The following ZNF385B variants were observed in gnomAD, a reference collection of about 807,000 sequenced individuals.
The protein encoded by ZNF385B is zinc finger protein 385B.
A neutral mutation model predicts 39.2 loss-of-function variants in ZNF385B; 23 were observed. The ratio of observed to expected loss-of-function variants is 0.59; its 90% CI spans 0.42 to 0.83. ZNF385B has a LOEUF of 0.83. Among genes scored for constraint, ZNF385B ranks in the 40% least tolerant of loss-of-function variants. The pLI is 0.00. For synonymous variants in ZNF385B, 205 were observed against 222.6 expected (o/e 0.92, Z 0.70); for missense variants, 552 against 598.9 (o/e 0.92, Z 0.82).
At chr2:179,512,661 A>T (rs1364940156) in intron 5 of ZNF385B, among the ~76,000 whole-genome samples, 2 of 152,196 alleles carry the variant, frequency 1.3e-5, no homozygotes, top group East Asian at 1.9e-4. Context: ...TCAGGGTTAG[A>T]CAGCCCCATT....
intron 3 of ZNF385B, chr2:179,745,615 A>G (rs910023478): frequency 2.9e-6 from 3 of 1,052,062 alleles, no homozygotes; most frequent in Non-Finnish European, 3.9e-6. Flanking sequence ...TGTGATAAAC[A>G]CAATTGAGGA....
intron 1 of ZNF385B, among the ~76,000 whole-genome samples, chr2:179,779,545 G>A (rs1704543962): frequency 6.6e-6 from 1 of 152,252 alleles, no homozygotes; most frequent in African/African-American, 2.4e-5. Context: ...AGGGTGCAGA[G>A]TAGAGAGGGT....
intron 3 of ZNF385B, among the ~76,000 whole-genome samples, chr2:179,597,330 T>A (rs1688079557): frequency 6.6e-6 from 1 of 152,230 alleles, no homozygotes; most frequent in African/African-American, 2.4e-5. Flanking sequence ...GTTTACTGCA[T>A]CATTTTGTCT....
At chr2:179,740,641 C>A (rs1467625798) in intron 3 of ZNF385B, among the ~76,000 whole-genome samples, 1 of 152,110 alleles carries the variant, frequency 6.6e-6, no homozygotes, top group East Asian at 1.9e-4. Context: ...ACACGTCACA[C>A]AACCAAATAG....
intron 3 of ZNF385B, among the ~76,000 whole-genome samples, chr2:179,575,752 T>C (rs1414940501): frequency 6.6e-6 from 1 of 152,116 alleles, no homozygotes; most frequent in Admixed American, 6.6e-5. Context: ...GAATAAGTGG[T>C]AGTTATGCCC....
At chr2:179,547,491 A>G (rs779091724) in intron 3 of ZNF385B, among the ~76,000 whole-genome samples, 7 of 149,222 alleles carry the variant, frequency 4.7e-5, no homozygotes, top group Non-Finnish European at 8.9e-5. Flanking sequence ...CTCTATGTAT[A>G]TTTTTGACAC....
At chr2:179,674,310 T>C (rs1220881454) in intron 3 of ZNF385B, among the ~76,000 whole-genome samples, 4 of 152,194 alleles carry the variant, frequency 2.6e-5, no homozygotes, top group African/African-American at 7.2e-5. Context: ...AAATGTAGAA[T>C]TGTAATTGAG....
chr2:179,452,679 T>C (rs973920656), intron 6 of ZNF385B, among the ~76,000 whole-genome samples: 1 of 152,170 alleles, frequency 6.6e-6, no homozygotes, highest in East Asian at 1.9e-4. Context: ...TAATAACAGA[T>C]ACATATTTTA....
Position 179,850,906 on chromosome 2 carries a change from T to C in ZNF385B, c.-155+10195A>G, listed in dbSNP as rs371742712. ...TGGAGGGATCCTCAAATTACCACCA[T>C]AGTTAGCCTTATGCAACAGTTCAGA... On this transcript the variant is annotated intron_variant, in intron 1 of 9. Coordinates refer to ENST00000410066, the MANE Select transcript of ZNF385B (RefSeq NM_152520.6). Among the ~76,000 whole-genome samples the C allele has an allele frequency of 1.1e-4, 17 of 152,334 alleles. No homozygotes were observed. The East Asian group carries it at 2.5e-3, about 22-fold the overall frequency.
chr2:179,703,450 G>T (rs1699362126), intron 3 of ZNF385B, among the ~76,000 whole-genome samples: 2 of 152,058 alleles, frequency 1.3e-5, no homozygotes, highest in South Asian at 4.2e-4. Context: ...CTTTAACATA[G>T]TATATATGTC....
chr2:179,505,983 T>C (rs1310341839), intron 5 of ZNF385B, among the ~76,000 whole-genome samples: 1 of 152,116 alleles, frequency 6.6e-6, no homozygotes, highest in Non-Finnish European at 1.5e-5. Context: ...TAATAATATA[T>C]ATGTAAGACT....
At chr2:179,595,795 C>T (rs13029050) in intron 3 of ZNF385B, among the ~76,000 whole-genome samples, 16,314 of 150,842 alleles carry the variant, frequency 0.11, 1,063 homozygotes, top group Middle Eastern at 0.2. Context: ...GGCACGTTAT[C>T]GCACCATTGC....
intron 3 of ZNF385B, among the ~76,000 whole-genome samples, chr2:179,769,070 G>T (rs1223303296): frequency 6.6e-6 from 1 of 152,180 alleles, no homozygotes; most frequent in Non-Finnish European, 1.5e-5. Context: ...CTGCATCACA[G>T]GATGTTATAA....
intron 3 of ZNF385B, among the ~76,000 whole-genome samples, chr2:179,671,494 C>A (rs1575168790): frequency 6.6e-6 from 1 of 152,260 alleles, no homozygotes; most frequent in Non-Finnish European, 1.5e-5. Flanking sequence ...TGATGATGAT[C>A]CAAGAAGATG....
intron 3 of ZNF385B, among the ~76,000 whole-genome samples, chr2:179,655,492 C>CA (rs11324530): frequency 1.1e-4 from 16 of 143,718 alleles, no homozygotes; most frequent in African/African-American, 2.8e-4. Context: ...GAAAAGAAAG[C>CA]AAAAAAAAAA....
At chr2:179,797,471 A>G (rs879387795) in intron 1 of ZNF385B, among the ~76,000 whole-genome samples, 1 of 152,112 alleles carries the variant, frequency 6.6e-6, no homozygotes, top group South Asian at 2.1e-4. Context: ...AGCTTCCCCA[A>G]TTTTCATCTG....
intron 3 of ZNF385B, among the ~76,000 whole-genome samples, chr2:179,724,482 T>C (rs551453489): frequency 2.0e-5 from 3 of 152,256 alleles, no homozygotes; most frequent in African/African-American, 7.2e-5. Context: ...TCCAAAGACA[T>C]GCCAATCAAG....
intron 1 of ZNF385B, among the ~76,000 whole-genome samples, chr2:179,859,138 T>A (rs979753684): frequency 6.6e-6 from 1 of 152,172 alleles, no homozygotes; most frequent in Admixed American, 6.5e-5. Context: ...CATTTAATAG[T>A]TACACTTTTT....
At chr2:179,490,836 A>G (rs1270432747) in intron 5 of ZNF385B, among the ~76,000 whole-genome samples, 1 of 152,158 alleles carries the variant, frequency 6.6e-6, no homozygotes, top group African/African-American at 2.4e-5. Context: ...AGCACAGCGC[A>G]TAAGAGAGAC....
Sources: gnomAD v4.1 joint callset for allele counts (sites outside exome capture counted in the v4.1 genomes callset) on GRCh38, gnomAD v4.1.1 for gene constraint, MANE v1.5 for transcripts, NCBI Gene and HGNC (gene_info 2026-07-23, HGNC 2026-07-21) for gene names.